Variants in NYAP2 observed in about 807,000 individuals in gnomAD.
NYAP2 encodes neuronal tyrosine-phosphorylated phosphoinositide-3-kinase adapter 2.
A neutral mutation model predicts 50.4 loss-of-function variants in NYAP2; 23 were observed. That is an observed-to-expected ratio of 0.46 (90% CI 0.33 to 0.65). NYAP2 has a LOEUF of 0.65. Ranked by LOEUF, NYAP2 falls within the 30% of genes least tolerant of loss-of-function variation. The pLI, the probability that NYAP2 is intolerant of heterozygous loss-of-function variation, is 0.02. For missense variants in NYAP2, 885 were observed against 861.0 expected (o/e 1.03, Z -0.35); for synonymous variants, 394 against 365.2 (o/e 1.08, Z -0.90).
At chr2:225,560,213 T>G (rs1691848247) in intron 4 of NYAP2, among the ~76,000 whole-genome samples, 1 of 152,128 alleles carries the variant, frequency 6.6e-6, no homozygotes, top group South Asian at 2.1e-4. Context: ...TTGTAAATGT[T>G]GACCATTTTT....
chr2:225,481,172 A>G (rs1455528738), intron 3 of NYAP2, among the ~76,000 whole-genome samples: 2 of 152,142 alleles, frequency 1.3e-5, no homozygotes, highest in Non-Finnish European at 1.5e-5. Context: ...ATATTTGTCA[A>G]TTAAAAGTGT....
At chr2:225,480,481 G>A (rs1690187901) in intron 3 of NYAP2, among the ~76,000 whole-genome samples, 1 of 152,106 alleles carries the variant, frequency 6.6e-6, no homozygotes, top group Admixed American at 6.6e-5. Context: ...TTGAAGGAAT[G>A]TAGATAAGTG....
At chr2:225,651,958 TTAAATG>T (rs2106272853) in exon 7 of NYAP2, 1 of 171,020 alleles carries the variant, frequency 5.8e-6, no homozygotes, top group Admixed American at 6.0e-5. Flanking sequence ...AGATTTCTTT[TTAAATG>T]TTTTGTCCAG....
At chr2:225,493,188 T>C (rs983269561) in intron 3 of NYAP2, among the ~76,000 whole-genome samples, 3 of 152,144 alleles carry the variant, frequency 2.0e-5, no homozygotes, top group African/African-American at 4.8e-5. Flanking sequence ...GGTCTTGCCA[T>C]GTTGCCCAGG....
intron 3 of NYAP2, among the ~76,000 whole-genome samples, chr2:225,512,848 TCTTTCTTCCTTCCTTCCTTC>T (rs1559200560): frequency 9.5e-5 from 12 of 126,870 alleles, no homozygotes; most frequent in African/African-American, 3.5e-4. Context: ...TTTCTTTCTT[TCTTTCTTCCTTCCTTCCTTC>T]CTTCCTTCCT....
chr2:225,621,720 T>A (rs1256103921), intron 5 of NYAP2, among the ~76,000 whole-genome samples: 1 of 152,140 alleles, frequency 6.6e-6, no homozygotes, highest in African/African-American at 2.4e-5. Flanking sequence ...TATTTTTTTT[T>A]TAATTATACT....
At chr2:225,701,681 C>G in the NYAP2 span, 1 of 151,588 alleles carries the variant, frequency 6.6e-6, no homozygotes, top group Admixed American at 6.6e-5. Context: ...TAATACTCAC[C>G]CATGTAAAAT....
intron 4 of NYAP2, among the ~76,000 whole-genome samples, chr2:225,514,608 C>A (rs1323242743): frequency 6.6e-6 from 1 of 152,108 alleles, no homozygotes. Context: ...GAAAGCACTG[C>A]TCTCCTTCCC....
intron 3 of NYAP2, among the ~76,000 whole-genome samples, chr2:225,413,701 C>T (rs4402753): frequency 0.63 from 96,046 of 151,724 alleles, 32,156 homozygotes; most frequent in Non-Finnish European, 0.75. Context: ...AAACCTAACA[C>T]GTTTTAATAT....
intron 3 of NYAP2, among the ~76,000 whole-genome samples, chr2:225,416,020 A>G (rs1695116962): frequency 6.6e-6 from 1 of 152,156 alleles, no homozygotes; most frequent in Non-Finnish European, 1.5e-5. Flanking sequence ...CTTAGTGCTC[A>G]GGCAGAGAAA....
rs958244740 is a variant in NYAP2, at chr2:225,539,804, A to G, written c.523+26132A>G. On this transcript the variant is annotated intron_variant, in intron 4 of 6. Transcript: ENST00000636099. ...TTCTGAAAATGGGATTTTCTTTTCT[A>G]TCACATTGTCAGGCTGCAAATTTTC... Among the ~76,000 whole-genome samples the G allele has an allele frequency of 2.6e-5, 4 of 151,966 alleles. No homozygotes were observed. The South Asian group carries it at 8.3e-4, about 32-fold the overall frequency.
intron 3 of NYAP2, among the ~76,000 whole-genome samples, chr2:225,456,547 T>C (rs2106150908): frequency 6.6e-6 from 1 of 152,252 alleles, no homozygotes; most frequent in Non-Finnish European, 1.5e-5. Flanking sequence ...GGTCAGGAGC[T>C]TCTCTCTTAT....
At chr2:225,507,969 A>G (rs575849191) in intron 3 of NYAP2, among the ~76,000 whole-genome samples, 95 of 152,346 alleles carry the variant, frequency 6.2e-4, no homozygotes, top group African/African-American at 2.2e-3. Flanking sequence ...AGGCCTGTCT[A>G]CTAGCCAATA....
intron 3 of NYAP2, among the ~76,000 whole-genome samples, chr2:225,445,754 G>A (rs965017027): frequency 6.6e-6 from 1 of 152,036 alleles, no homozygotes; most frequent in Non-Finnish European, 1.5e-5. Flanking sequence ...ATGAATTAGA[G>A]TATGAGTGTC....
chr2:225,644,136 C>G (rs1376966723), intron 6 of NYAP2, among the ~76,000 whole-genome samples: 2 of 152,042 alleles, frequency 1.3e-5, no homozygotes, highest in Non-Finnish European at 2.9e-5. Flanking sequence ...GATCGCCATT[C>G]TAACTGGTGT....
At chr2:225,634,813 G>C (rs1176650781) in intron 6 of NYAP2, among the ~76,000 whole-genome samples, 1 of 152,120 alleles carries the variant, frequency 6.6e-6, no homozygotes, top group Non-Finnish European at 1.5e-5. Flanking sequence ...AAAGATTGAA[G>C]AGATCACAAA....
At chr2:225,505,873 T>G (rs1455312495) in intron 3 of NYAP2, among the ~76,000 whole-genome samples, 1 of 152,180 alleles carries the variant, frequency 6.6e-6, no homozygotes, top group Non-Finnish European at 1.5e-5. Flanking sequence ...CCACTTATTT[T>G]CATTCACAAT....
At chr2:225,485,173 G>T (rs1476527652) in intron 3 of NYAP2, among the ~76,000 whole-genome samples, 1 of 152,168 alleles carries the variant, frequency 6.6e-6, no homozygotes, top group Non-Finnish European at 1.5e-5. Context: ...TCTCGTGATA[G>T]TGAGTCTCTG....
the NYAP2 span, among the ~76,000 whole-genome samples, chr2:225,697,227 C>T: frequency 6.6e-6 from 1 of 151,854 alleles, no homozygotes; most frequent in South Asian, 2.1e-4. Context: ...GTTACTTGTC[C>T]AGTAATATGT....
Sources: gnomAD v4.1 joint callset for allele counts (sites outside exome capture counted in the v4.1 genomes callset) on GRCh38, gnomAD v4.1.1 for gene constraint, MANE v1.5 for transcripts, NCBI Gene and HGNC (gene_info 2026-07-23, HGNC 2026-07-21) for gene names.